Variants in ZNF521 observed in about 807,000 individuals in gnomAD.
The protein encoded by ZNF521 is zinc finger protein 521.
In ZNF521, 14 loss-of-function variants were observed where a neutral mutation model predicts 105.5. The ratio of observed to expected loss-of-function variants is 0.13; its 90% CI spans 0.09 to 0.21. The LOEUF is 0.21. Among genes scored for constraint, ZNF521 ranks in the 10% least tolerant of loss-of-function variants. The probability of loss-of-function intolerance (pLI) is 1.00; values close to 1 mark genes in which losing one functional copy is unlikely to be tolerated. For missense variants in ZNF521, 1,233 were observed against 1,629.7 expected, an observed-to-expected ratio of 0.76 and a Z score of 4.19; for synonymous variants, 635 against 606.0, an observed-to-expected ratio of 1.05 and a Z score of -0.70.
intron 5 of ZNF521, among the ~76,000 whole-genome samples, chr18:25,164,642 T>C (rs552596781): frequency 5.3e-5 from 8 of 152,156 alleles, no homozygotes; most frequent in Non-Finnish European, 1.0e-4. Flanking sequence ...GTTGTCACGG[T>C]TGGCTTCTCC....
chr18:25,263,277 C>G (rs1308282230), intron 3 of ZNF521, among the ~76,000 whole-genome samples: 1 of 151,982 alleles, frequency 6.6e-6, no homozygotes, highest in Non-Finnish European at 1.5e-5. Context: ...TCCTTCAAAC[C>G]AGTGATTCTG....
chr18:25,146,629 C>G (rs1489263203), intron 5 of ZNF521, among the ~76,000 whole-genome samples: 2 of 152,156 alleles, frequency 1.3e-5, no homozygotes, highest in African/African-American at 4.8e-5. Context: ...ACCCTTGCCA[C>G]TTGGCCTGGT....
chr18:25,119,790 A>G (rs2034398762), intron 5 of ZNF521, among the ~76,000 whole-genome samples: 1 of 152,062 alleles, frequency 6.6e-6, no homozygotes, highest in South Asian at 2.1e-4. Flanking sequence ...AGGGTAAATT[A>G]AACGTAAATC....
At chr18:25,078,853 C>T (rs550542477) in intron 7 of ZNF521, among the ~76,000 whole-genome samples, 1 of 152,328 alleles carries the variant, frequency 6.6e-6, no homozygotes, top group African/African-American at 2.4e-5. Context: ...ACCTTCTGGG[C>T]TCCCAGCAGA....
intron 7 of ZNF521, among the ~76,000 whole-genome samples, chr18:25,068,240 A>G (rs2033122124): frequency 6.6e-6 from 1 of 152,262 alleles, no homozygotes; most frequent in Admixed American, 6.5e-5. Flanking sequence ...CTTTCAACAG[A>G]TGGTGACAGC....
At chr18:25,141,003 C>T (rs543704278) in intron 5 of ZNF521, among the ~76,000 whole-genome samples, 3 of 152,284 alleles carry the variant, frequency 2.0e-5, no homozygotes, top group Non-Finnish European at 2.9e-5. Flanking sequence ...AAGGCACTCT[C>T]GCTTCTTCAA....
At chr18:25,198,353 A>G (rs2035936579) in intron 4 of ZNF521, among the ~76,000 whole-genome samples, 1 of 151,830 alleles carries the variant, frequency 6.6e-6, no homozygotes, top group South Asian at 2.1e-4. Flanking sequence ...TTTTAAAAAG[A>G]ACATCTCATA....
chr18:25,227,494 C>T lies in ZNF521; in HGVS notation c.424G>A (p.Asp142Asn), dbSNP rs574217991. 1 of 1,614,114 alleles carries T rather than the reference C, an allele frequency of 6.2e-7. No homozygotes were observed. Among genetic ancestry groups the T allele is most frequent in the South Asian group, 1.1e-5 (1 of 91,074 alleles). The change falls in exon 4 of 8, where the codon GAC becomes AAC. Residue 142 changes from aspartate to asparagine, a missense_variant. Asp to Asn is a conservative substitution (Grantham distance 23). This residue lies in a region of ZNF521 where 85 missense variants were observed against 162.2 expected (regional missense o/e 0.52). Transcript: ENST00000361524. This position sits in a 1 kb window ranked among gnomAD's most constrained non-coding sequence, Gnocchi z 5.7. ...TAGGTGCATTTGAAAGGCAGTTTGT[C>T]ACTGTGACTCTGCTCATGGTGCTTT... ...YLKHHEQSHS[D>N]KLPFKCTYCS...
At chr18:25,269,441 T>C (rs988700142) in intron 3 of ZNF521, among the ~76,000 whole-genome samples, 9 of 152,180 alleles carry the variant, frequency 5.9e-5, no homozygotes, top group African/African-American at 9.7e-5. Flanking sequence ...CAAGTGGACC[T>C]AATAGACATC....
chr18:25,285,839 T>C (rs545535159), intron 3 of ZNF521, among the ~76,000 whole-genome samples: 17 of 152,236 alleles, frequency 1.1e-4, no homozygotes, highest in South Asian at 8.3e-4. Context: ...AGGCTTGAAA[T>C]TGCCTCCATG....
intron 3 of ZNF521, among the ~76,000 whole-genome samples, chr18:25,303,297 TGTGTGTGTGTGTGA>T (rs1478327543): frequency 1.1e-4 from 12 of 112,656 alleles, no homozygotes; most frequent in African/African-American, 5.2e-4. Context: ...TGTGTGTGTG[TGTGTGTGTGTGTGA>T]GAGAGAGACG....
chr18:25,214,633 C>T (rs1476081332), intron 4 of ZNF521, among the ~76,000 whole-genome samples: 1 of 152,012 alleles, frequency 6.6e-6, no homozygotes, highest in East Asian at 1.9e-4. Context: ...ATTATGCCTT[C>T]TTTGTTCAAT....
At chr18:25,082,841 CAAAAAAAAAAAA>C (rs59374351) in intron 7 of ZNF521, 5 of 73,466 alleles carry the variant, frequency 6.8e-5, no homozygotes, top group Admixed American at 1.8e-4. Context: ...GACTCCGTCT[CAAAAAAAAAAAA>C]AAAAAAAAAA....
At chr18:25,336,852 G>A (rs1913918318) in intron 2 of ZNF521, among the ~76,000 whole-genome samples, 1 of 152,180 alleles carries the variant, frequency 6.6e-6, no homozygotes, top group Non-Finnish European at 1.5e-5. Context: ...GAAAACCTTT[G>A]AGAGTAAAAA....
chr18:25,091,343 T>G (rs574253286), intron 6 of ZNF521, among the ~76,000 whole-genome samples: 1 of 152,206 alleles, frequency 6.6e-6, no homozygotes. Flanking sequence ...CTTTTTTTTT[T>G]CTGCTAAAAT....
chr18:25,322,311 T>C (rs1223445592), intron 2 of ZNF521, 124 bp from the exon 3 acceptor site: 5 of 934,592 alleles, frequency 5.3e-6, no homozygotes, highest in African/African-American at 4.8e-5. Flanking sequence ...GAGGGCTTCA[T>C]TGCAGATTTT....
chr18:25,327,675 T>C (rs762106182), intron 2 of ZNF521: 4 of 519,048 alleles, frequency 7.7e-6, no homozygotes, highest in Admixed American at 1.9e-5. Context: ...GCTCTAGATA[T>C]GCATTCTAAC....
chr18:25,076,850 A>AAC (rs1175904845), intron 7 of ZNF521, among the ~76,000 whole-genome samples: 1 of 152,272 alleles, frequency 6.6e-6, no homozygotes, highest in Non-Finnish European at 1.5e-5. Flanking sequence ...AAGAAAAGTT[A>AAC]ACACAGAGGC....
chr18:25,104,553 A>T (rs990267855), intron 5 of ZNF521, among the ~76,000 whole-genome samples: 22 of 152,220 alleles, frequency 1.4e-4, no homozygotes, highest in Non-Finnish European at 2.6e-4. Context: ...ACCTATAGGG[A>T]TGACCTGGCC....
Sources: gnomAD v4.1 joint callset for allele counts (sites outside exome capture counted in the v4.1 genomes callset) on GRCh38, gnomAD v4.1.1 for gene constraint, gnomAD v4.1.1 regional missense constraint, Gnocchi (gnomAD v3.1) non-coding constraint, MANE v1.5 for transcripts, NCBI Gene and HGNC (gene_info 2026-07-23, HGNC 2026-07-21) for gene names.